Variants in PNPLA6 observed in about 807,000 individuals in gnomAD.
PNPLA6 encodes the protein patatin-like phospholipase domain-containing protein 6.
In PNPLA6, 105 loss-of-function variants were observed where a neutral mutation model predicts 153.7. That is an observed-to-expected ratio of 0.68 (90% CI 0.58 to 0.80). PNPLA6 has a LOEUF of 0.80. Ranked by LOEUF, PNPLA6 falls within the 30% of genes least tolerant of loss-of-function variation. The probability of loss-of-function intolerance (pLI) is 0.00; values close to 1 mark genes in which losing one functional copy is unlikely to be tolerated. For missense variants in PNPLA6, 1,423 were observed against 1,919.3 expected, an observed-to-expected ratio of 0.74 and a Z score of 4.83; for synonymous variants, 825 against 822.2, an observed-to-expected ratio of 1.00 and a Z score of -0.06.
In PNPLA6 at chr19:7,540,499, C is replaced by A; in HGVS notation, c.715-131C>A. ...AGTATTGAACGATGGGAGATGCCTG[C>A]TCGTTGGAAGGGTTGGTGGGTTCCC... On this transcript the variant is annotated intron_variant, in intron 5 of 31. Transcript: ENST00000600737. This position sits in a 1 kb window ranked among gnomAD's most constrained non-coding sequence, Gnocchi z 6.8. 1 of 989,854 alleles carries A rather than the reference C, an allele frequency of 1.0e-6. No individual in the cohort carries two copies. The highest frequency in any genetic ancestry group is 1.6e-6 in the Non-Finnish European group (1 of 628,682). 61.3% of individuals were successfully genotyped at this position (989,854 alleles called of 1,614,324 possible).
intron 17 of PNPLA6, 85 bp downstream of exon 17, chr19:7,551,192 A>G (rs2023632195): frequency 3.0e-6 from 2 of 671,054 alleles, no homozygotes; most frequent in Non-Finnish European, 4.8e-6. Flanking sequence ...GGCGGGGCTT[A>G]CAGAGGGGCG....
intron 10 of PNPLA6, 68 bp from the exon 11 acceptor site, chr19:7,542,493 C>T: frequency 9.9e-6 from 12 of 1,217,732 alleles, no homozygotes; most frequent in Non-Finnish European, 1.5e-5. Context: ...CACCACTACA[C>T]CTGGCTCATT....
In PNPLA6 at chr19:7,536,279, T is replaced by G. The variant is rs956177712; in HGVS notation, c.315+6T>G. The G allele has an allele frequency of 1.2e-6, 2 of 1,609,838 alleles. No individual in the cohort carries two copies. Among genetic ancestry groups the G allele is most frequent in the East Asian group, 4.5e-5 (2 of 44,832 alleles). ...GCCGGAAGATTATGCGGAAGGTGAG[T>G]CCGGGACCCCTGGGGTCCGCCCTGA... On this transcript the variant is annotated splice_donor_region_variant and intron_variant, in intron 2 of 31. Transcript: ENST00000600737.
chr19:7,557,578 G>C, intron 27 of PNPLA6: 1 of 428,286 alleles, frequency 2.3e-6, no homozygotes, highest in African/African-American at 2.0e-5. Flanking sequence ...GAGGTCAGGA[G>C]TTTGAGACCC....
In PNPLA6 at chr19:7,536,010, G is replaced by A. The variant is rs748179148; in HGVS notation, c.222G>A (p.Leu74=). ...TCATCCTCCTGGTGGTGCGGAGGCT[G>A]CGAGTGCCAAGTGAGCACCCGAGGG... is the stretch of plus-strand genomic sequence containing the variant. The part of the protein sequence containing the change: ...AVLILLVVRR[L]RVPKTPAPDG... The change falls in exon 1 of 32, where the codon CTG becomes CTA. Residue 74 remains leucine, a synonymous_variant. Coordinates refer to ENST00000600737, the MANE Select transcript of PNPLA6 (RefSeq NM_001166114.2). The A allele has an allele frequency of 6.3e-7, 1 of 1,576,530 alleles. No homozygotes were observed. The highest frequency in any genetic ancestry group is 1.2e-5 in the South Asian group (1 of 86,772).
chr19:7,555,391 G>A lies in PNPLA6; in HGVS notation c.2936+24G>A, dbSNP rs1285983120. 1.4e-6 allele frequency: 2 copies of A among 1,476,766 alleles called. No individual in the cohort carries two copies. The highest frequency in any genetic ancestry group is 1.8e-6 in the Non-Finnish European group (2 of 1,086,526). 91.5% of individuals were successfully genotyped at this position (1,476,766 alleles called of 1,614,324 possible). On this transcript the variant is annotated intron_variant, in intron 23 of 31. Coordinates refer to ENST00000600737, the MANE Select transcript of PNPLA6 (RefSeq NM_001166114.2). The surrounding 1 kb of genome is among the most constrained non-coding windows in gnomAD (Gnocchi z 6.3). Reference sequence around the variant, plus strand: ...AGGTGAGGGCGGGGCTTGCTCTCTGGGGGCGGGGCCTGGATGTCCGAGGGT... The same window carrying A: ...AGGTGAGGGCGGGGCTTGCTCTCTGAGGGCGGGGCCTGGATGTCCGAGGGT...
chr19:7,553,287 T>C (rs994398601), intron 18 of PNPLA6, among the ~76,000 whole-genome samples: 1 of 152,236 alleles, frequency 6.6e-6, no homozygotes, highest in African/African-American at 2.4e-5. Flanking sequence ...GGTCTCGCTC[T>C]GTAGCCCAGG....
At position 7,560,681 on chromosome 19, in the gene PNPLA6, G is replaced by C. The variant is rs1198027439; in HGVS notation, c.3733G>C (p.Gly1245Arg). ...VGYQYGKAVFGGWSRGNVIEK... is the reference protein window; with the variant it reads ...VGYQYGKAVFRGWSRGNVIEK... ...CTACCAGTACGGGAAGGCGGTGTTTGGAGGCTGGAGCCGTGGCAACGTCAT... is the reference window on the plus strand; with the variant it reads ...CTACCAGTACGGGAAGGCGGTGTTTCGAGGCTGGAGCCGTGGCAACGTCAT... The change falls in exon 29 of 32, where the codon GGA (glycine) becomes CGA (arginine). Residue 1245 changes from glycine (G) to arginine (R), a missense_variant. Transcript: ENST00000600737. 6.2e-7 allele frequency: 1 copy of C among 1,613,766 alleles called. No individual in the cohort carries two copies. Among genetic ancestry groups the C allele is most frequent in the Non-Finnish European group, 8.5e-7 (1 of 1,179,796 alleles).
chr19:7,541,649 C>T lies in PNPLA6; in HGVS notation c.1133C>T (p.Pro378Leu), dbSNP rs1362018954. The change falls in exon 9 of 32, where the codon CCC becomes CTC. Residue 378 changes from proline to leucine, a missense_variant. Transcript: ENST00000600737. The surrounding 1 kb of genome is among the most constrained non-coding windows in gnomAD (Gnocchi z 5.2). ...CCCAGGGAGACCCCAGGGCGGCCAC[C>T]CGATCCCACCGGGGCCCCGCTGCCT... is the stretch of plus-strand genomic sequence containing the variant. ...DEPRETPGRP[P>L]DPTGAPLPGP... The T allele has an allele frequency of 1.9e-6, 3 of 1,581,306 alleles. No homozygotes were observed. Among genetic ancestry groups the T allele is most frequent in the Non-Finnish European group, 2.6e-6 (3 of 1,164,834 alleles).
At chr19:7,553,128 A>G (rs2023727083) in intron 18 of PNPLA6, among the ~76,000 whole-genome samples, 2 of 152,212 alleles carry the variant, frequency 1.3e-5, no homozygotes, top group African/African-American at 4.8e-5. Context: ...GGATTCCACC[A>G]GTAAGGAGGC....
Position 7,540,360 on chromosome 19 carries a change from G to A in PNPLA6, c.714+52G>A. On this transcript the variant is annotated intron_variant, in intron 5 of 31. Coordinates refer to ENST00000600737, the MANE Select transcript of PNPLA6 (RefSeq NM_001166114.2). The surrounding 1 kb of genome is among the most constrained non-coding windows in gnomAD (Gnocchi z 6.8). ...GCAGGAGGATGGGTGGTGGGGATGG[G>A]CAGCAGGCATTGGTCTGTAGAGCTG... The A allele has an allele frequency of 1.3e-6, 2 of 1,560,694 alleles. No homozygotes were observed. The highest frequency in any genetic ancestry group is 1.7e-6 in the Non-Finnish European group (2 of 1,153,632).
intron 27 of PNPLA6, among the ~76,000 whole-genome samples, chr19:7,557,858 G>A (rs7245592): frequency 0.58 from 87,651 of 151,184 alleles, 25,783 homozygotes; most frequent in South Asian, 0.64. Flanking sequence ...GTGGATGTAC[G>A]TACAAGAGGG....
At chr19:7,558,689 A>G (rs2023985577) in intron 27 of PNPLA6, among the ~76,000 whole-genome samples, 161 bp from the exon 28 acceptor site, 1 of 151,840 alleles carries the variant, frequency 6.6e-6, no homozygotes, top group Non-Finnish European at 1.5e-5. Context: ...CAGTTGCATC[A>G]TTTGCACGTC....
chr19:7,543,176 C>T (rs2023235025), intron 13 of PNPLA6, 92 bp downstream of exon 13: 1 of 1,094,172 alleles, frequency 9.1e-7, no homozygotes. Flanking sequence ...ACTGTAAGAC[C>T]AGCACCTTCT....
chr19:7,560,071 G>T (rs530259241), intron 28 of PNPLA6, among the ~76,000 whole-genome samples: 8 of 147,290 alleles, frequency 5.4e-5, no homozygotes, highest in Admixed American at 3.4e-4. Flanking sequence ...AACCTAGGAG[G>T]CAGTGGTTGC....
rs1000725564 is a variant in PNPLA6 at position 7,549,772 on chromosome 19, C to G, written c.1609-135C>G. ...AAAGCGCTGGGATTACAGCCGTGAG[C>G]CACCGCGCCCTGCGCCTTCATATTT... On this transcript the variant is annotated intron_variant, in intron 13 of 31. Transcript: ENST00000600737. 9 of 857,366 alleles carry G rather than the reference C, an allele frequency of 1.0e-5. No individual in the cohort carries two copies. In the South Asian group the frequency reaches 1.3e-4, roughly 13 times the overall value. 53.1% of individuals were successfully genotyped at this position (857,366 alleles called of 1,614,324 possible). A position where few individuals can be genotyped will look rare whatever the true frequency, so the allele number is the denominator to read the frequency against.
At chr19:7,548,339 G>A (rs536728207) in intron 13 of PNPLA6, among the ~76,000 whole-genome samples, 5 of 150,858 alleles carry the variant, frequency 3.3e-5, no homozygotes, top group East Asian at 2.0e-4. Flanking sequence ...GCAAGACACC[G>A]TCTCAAAACC....
intron 3 of PNPLA6, among the ~76,000 whole-genome samples, chr19:7,538,680 C>T (rs2022984583): frequency 6.6e-6 from 1 of 152,188 alleles, no homozygotes; most frequent in Non-Finnish European, 1.5e-5. Context: ...AGGGCTACTT[C>T]AGGGACCTCT....
chr19:7,551,279 G>T lies in PNPLA6; in HGVS notation c.2185-83G>T, dbSNP rs543107648. ...TGGGACCCAGGTAACGGGCACCCAG[G>T]AGCCCCGGCATAGGAGGGAGAGGTG... On this transcript the variant is annotated intron_variant, in intron 17 of 31. Transcript: ENST00000600737. 2.3e-5 allele frequency: 33 copies of T among 1,424,172 alleles called. No individual in the cohort carries two copies. The South Asian group carries it at 3.2e-4, about 14-fold the overall frequency. 88.2% of individuals were successfully genotyped at this position (1,424,172 alleles called of 1,614,324 possible).
Sources: allele counts gnomAD v4.1 joint callset (sites outside exome capture counted in the v4.1 genomes callset), GRCh38; gene constraint gnomAD v4.1.1; non-coding constraint Gnocchi (gnomAD v3.1); transcripts MANE v1.5; gene names NCBI Gene and HGNC (gene_info 2026-07-23, HGNC 2026-07-21).